The following RCSD1 variants were observed in gnomAD, a reference collection of about 807,000 sequenced individuals.
RCSD1 encodes capZ-interacting protein.
Under a neutral mutation model 42.5 loss-of-function variants are expected in RCSD1, and 26 were observed. The observed-to-expected ratio is 0.61, with a 90% CI of 0.45 to 0.85. The LOEUF (loss-of-function observed/expected upper bound fraction) is 0.85. Ranked by LOEUF, RCSD1 falls within the 40% of genes least tolerant of loss-of-function variation. The pLI is 0.00. For synonymous variants in RCSD1, 220 were observed against 212.2 expected, an observed-to-expected ratio of 1.04 and a Z score of -0.32; for missense variants, 571 against 528.3, an observed-to-expected ratio of 1.08 and a Z score of -0.79.
chr1:167,657,278 A>G (rs1658444973), intron 1 of RCSD1, among the ~76,000 whole-genome samples: 1 of 152,212 alleles, frequency 6.6e-6, no homozygotes, highest in African/African-American at 2.4e-5. Flanking sequence ...TGTTTGTCCA[A>G]GACCTACAGA....
chr1:167,639,605 G>A (rs950726881), intron 1 of RCSD1, among the ~76,000 whole-genome samples: 2 of 152,092 alleles, frequency 1.3e-5, no homozygotes, highest in Non-Finnish European at 2.9e-5. Context: ...CGATTCTCCT[G>A]CCTCAGCCTC....
At chr1:167,678,911 C>T (rs74632150) in intron 1 of RCSD1, among the ~76,000 whole-genome samples, 3,633 of 152,318 alleles carry the variant, frequency 0.024, 153 homozygotes, top group African/African-American at 0.084. Flanking sequence ...TGGGATTCAA[C>T]TCATGTGCTC....
intron 1 of RCSD1, chr1:167,638,571 G>T (rs1192877409): frequency 7.2e-5 from 11 of 152,200 alleles, no homozygotes; most frequent in Admixed American, 6.5e-4. Flanking sequence ...GAGACAACAG[G>T]CTCCTCAGCC....
At chr1:167,646,093 CA>C (rs1274592290) in intron 1 of RCSD1, among the ~76,000 whole-genome samples, 1 of 152,170 alleles carries the variant, frequency 6.6e-6, no homozygotes, top group Non-Finnish European at 1.5e-5. Context: ...GAGACTGTCA[CA>C]GGGGCAGAGT....
In RCSD1 at chr1:167,684,035, C is replaced by A; in HGVS notation, c.108+34C>A. 1.3e-6 allele frequency: 2 copies of A among 1,551,598 alleles called. 1 individual carries two copies. Among genetic ancestry groups the A allele is most frequent in the Middle Eastern group, 3.4e-4 (2 of 5,926 alleles). ...GGCCGCTTCAGAGCAGCCTCTTCAG[C>A]AGCGGGCAGGAGGAAAGGGAAATCT... On this transcript the variant is annotated intron_variant, in intron 2 of 6. Coordinates refer to ENST00000367854, the MANE Select transcript of RCSD1 (RefSeq NM_052862.4).
chr1:167,702,235 CAG>C (rs756848805), intron 6 of RCSD1, among the ~76,000 whole-genome samples: 17 of 152,152 alleles, frequency 1.1e-4, no homozygotes, highest in South Asian at 2.1e-4. Flanking sequence ...CGAGAGAAAA[CAG>C]GGGAAAGTTC....
In RCSD1 at chr1:167,705,197, A is replaced by G. The variant is rs1659730242; in HGVS notation, c.*501A>G. On this transcript the variant is annotated 3_prime_UTR_variant, in exon 7 of 7. Coordinates refer to ENST00000367854, the MANE Select transcript of RCSD1 (RefSeq NM_052862.4). The stretch of plus-strand genomic sequence containing the variant: ...AATTTTAGGTGGCCATAAACATAAA[A>G]TAGAAACCCTGTAAGTTACAGAAGA... 6.5e-6 allele frequency: 1 copy of G among 153,116 alleles called. No homozygotes were observed. The highest frequency in any genetic ancestry group is 2.4e-5 in the African/African-American group (1 of 41,466). 9.5% of individuals were successfully genotyped at this position (153,116 alleles called of 1,614,324 possible).
chr1:167,707,817 A>T lies in RCSD1; in HGVS notation c.*3121A>T, dbSNP rs939178253. Among the ~76,000 whole-genome samples, 2 of 151,882 alleles carry T rather than the reference A, an allele frequency of 1.3e-5. No individual in the cohort carries two copies. The highest frequency in any genetic ancestry group is 4.8e-5 in the African/African-American group (2 of 41,316). On this transcript the variant is annotated 3_prime_UTR_variant, in exon 7 of 7. Coordinates refer to ENST00000367854, the MANE Select transcript of RCSD1 (RefSeq NM_052862.4). Reference sequence around the variant, plus strand: ...AAGTACTGCAGTTACTTTTGCACCAACCTAATAGCTCGGATTACAAGTATG... The same window carrying T: ...AAGTACTGCAGTTACTTTTGCACCATCCTAATAGCTCGGATTACAAGTATG...
At chr1:167,690,571 G>A (rs978512046) in intron 4 of RCSD1, among the ~76,000 whole-genome samples, 1 of 152,156 alleles carries the variant, frequency 6.6e-6, no homozygotes, top group Non-Finnish European at 1.5e-5. Flanking sequence ...CTACTCTGAA[G>A]ACCGAGGTGA....
At chr1:167,700,377 G>C (rs778841972) in intron 6 of RCSD1, among the ~76,000 whole-genome samples, 1 of 152,130 alleles carries the variant, frequency 6.6e-6, no homozygotes, top group Non-Finnish European at 1.5e-5. Context: ...TGCCAGGCGT[G>C]GTGGCTCACA....
chr1:167,636,904 T>C (rs545842997), intron 1 of RCSD1, among the ~76,000 whole-genome samples: 22 of 152,144 alleles, frequency 1.4e-4, no homozygotes, highest in Non-Finnish European at 3.1e-4. Flanking sequence ...TTAGTTAGAT[T>C]CAGTAAGCAC....
At chr1:167,689,678 C>T (rs1224053647) in intron 3 of RCSD1, among the ~76,000 whole-genome samples, 1 of 152,010 alleles carries the variant, frequency 6.6e-6, no homozygotes, top group East Asian at 1.9e-4. Flanking sequence ...GTAATTTTTG[C>T]CCTTTGTCTT....
rs143442082 is a variant in RCSD1 at position 167,639,990 on chromosome 1, A to C, written c.6+9561A>C. On this transcript the variant is annotated intron_variant, in intron 1 of 6. Coordinates refer to ENST00000367854, the MANE Select transcript of RCSD1 (RefSeq NM_052862.4). ...CCCTCACAAAGGCCTGAATTTAAGT[A>C]CTGGAGAGGAGAAGAACAAGGATGA... 3.9e-5 allele frequency among the ~76,000 whole-genome samples: 6 copies of C among 152,286 alleles called. No homozygotes were observed. The East Asian group carries it at 1.2e-3, about 29-fold the overall frequency.
intron 1 of RCSD1, chr1:167,630,720 C>CAAAAAA (rs1657673893): frequency 2.7e-4 from 1 of 3,640 alleles, no homozygotes; most frequent in Non-Finnish European, 9.2e-4. Flanking sequence ...AACTTAAATG[C>CAAAAAA]TAAAAAAAAA....
rs145943506 is a variant in RCSD1 at position 167,682,892 on chromosome 1, C to T, written c.7-1008C>T. 5.9e-4 allele frequency among the ~76,000 whole-genome samples: 90 copies of T among 152,250 alleles called. 1 individual carries two copies. The highest frequency in any genetic ancestry group is 2.0e-3 in the African/African-American group (81 of 41,536). ...AAGTCTGTGTAAGAAATGCTGCCAC[C>T]ATGGTGACAAAAGACAAAAACCTAA... is the stretch of plus-strand genomic sequence containing the variant. On this transcript the variant is annotated intron_variant, in intron 1 of 6. Coordinates refer to ENST00000367854, the MANE Select transcript of RCSD1 (RefSeq NM_052862.4).
At chr1:167,665,560 T>C (rs1260468875) in intron 1 of RCSD1, among the ~76,000 whole-genome samples, 2 of 152,232 alleles carry the variant, frequency 1.3e-5, no homozygotes. Context: ...AAAGTGACTA[T>C]ACTGTTTCAC....
In RCSD1 at chr1:167,700,523, C is replaced by T. The variant is rs559672794; in HGVS notation, c.1218+2681C>T. On this transcript the variant is annotated intron_variant, in intron 6 of 6. Coordinates refer to ENST00000367854, the MANE Select transcript of RCSD1 (RefSeq NM_052862.4). Reference sequence around the variant, plus strand: ...AAAATTAGCCAGGCGTGGTTGTGGGCGCCTGTGGTCCCAGCTACTTAGGAG... The same window carrying T: ...AAAATTAGCCAGGCGTGGTTGTGGGTGCCTGTGGTCCCAGCTACTTAGGAG... Among the ~76,000 whole-genome samples the T allele has an allele frequency of 1.9e-3, 294 of 151,962 alleles. 3 individuals are homozygous for T. The highest frequency in any genetic ancestry group is 6.9e-3 in the African/African-American group (286 of 41,468).
rs938071756 is a variant in RCSD1, at chr1:167,659,523, A to G, written c.7-24377A>G. ...ACTCTACACTCTGCCACTGCATCCT[A>G]TGTTTCAACTAAGTAATCTCAATTT... On this transcript the variant is annotated intron_variant, in intron 1 of 6. Transcript: ENST00000367854. Among the ~76,000 whole-genome samples the G allele has an allele frequency of 2.0e-4, 30 of 152,200 alleles. 1 individual carries two copies. Among genetic ancestry groups the G allele is most frequent in the African/African-American group, 7.0e-4 (29 of 41,516 alleles).
chr1:167,691,615 G>A (rs891580484), intron 4 of RCSD1, among the ~76,000 whole-genome samples: 1 of 152,242 alleles, frequency 6.6e-6, no homozygotes, highest in Non-Finnish European at 1.5e-5. Flanking sequence ...CATTCTGAAG[G>A]CATCAGAGGT....
Sources: allele counts gnomAD v4.1 joint callset (sites outside exome capture counted in the v4.1 genomes callset), GRCh38; gene constraint gnomAD v4.1.1; transcripts MANE v1.5; gene names NCBI Gene and HGNC (gene_info 2026-07-23, HGNC 2026-07-21).